The following DGLUCY variants were observed in gnomAD, a reference collection of about 807,000 sequenced individuals.
DGLUCY encodes the protein D-glutamate cyclase.
In DGLUCY, 58 loss-of-function variants were observed where a neutral mutation model predicts 58.5. The ratio of observed to expected loss-of-function variants is 0.99; its 90% CI spans 0.80 to 1.23. The LOEUF (loss-of-function observed/expected upper bound fraction) is 1.23, where lower values mean the gene tolerates loss of function less well. Ranked by LOEUF, DGLUCY falls within the 50% of genes most tolerant of loss-of-function variation. The pLI is 0.00. For synonymous variants in DGLUCY, 325 were observed against 314.1 expected (o/e 1.03, Z -0.37); for missense variants, 779 against 784.7 (o/e 0.99, Z 0.09).
chr14:91,156,945 T>A (rs1359949542), intron 1 of DGLUCY, among the ~76,000 whole-genome samples: 1 of 152,210 alleles, frequency 6.6e-6, no homozygotes, highest in Non-Finnish European at 1.5e-5. Flanking sequence ...AGTGGGAAGG[T>A]CCCTGTTATT....
At position 91,074,114 on chromosome 14, in the gene DGLUCY, T is replaced by TACACACACAC. The variant is rs1326685656; in HGVS notation, c.-82+13411_-82+13412insCACACACACA. Among the ~76,000 whole-genome samples, 400 of 64,438 alleles carry TACACACACAC rather than the reference T, an allele frequency of 6.2e-3. 1 individual carries two copies. Among genetic ancestry groups the TACACACACAC allele is most frequent in the Non-Finnish European group, 0.01 (324 of 32,070 alleles). 42.3% of individuals were successfully genotyped at this position (64,438 alleles called of 152,430 possible). ...CTACCAAAAAAAAAAAATATATATA[T>TACACACACAC]ATATACACACACACACACACACACA... On this transcript the variant is annotated intron_variant, in intron 1 of 4. Coordinates refer to the DGLUCY transcript ENST00000521334.
intron 5 of DGLUCY, among the ~76,000 whole-genome samples, chr14:91,170,703 G>A (rs1163581676): frequency 2.6e-5 from 4 of 152,098 alleles, no homozygotes; most frequent in Non-Finnish European, 5.9e-5. Flanking sequence ...GCGTCTCTGG[G>A]ACGTGCCTGC....
At chr14:91,185,747 G>A (rs1347272747) in intron 8 of DGLUCY, among the ~76,000 whole-genome samples, 1 of 151,274 alleles carries the variant, frequency 6.6e-6, no homozygotes, top group Admixed American at 6.6e-5. Flanking sequence ...TATTGCAGAT[G>A]TGGTGCACCC....
chr14:91,209,938 T>C lies in DGLUCY; in HGVS notation c.1564+5113T>C, dbSNP rs145122398. Among the ~76,000 whole-genome samples, 1,387 of 152,206 alleles carry C rather than the reference T, an allele frequency of 9.1e-3. 12 individuals are homozygous for C. The highest frequency in any genetic ancestry group is 0.013 in the Non-Finnish European group (873 of 67,992). ...GCAGACTTCAGAACAGGGAAAGTTATCAGGATAAAGAGGGGGATTACATAA... is the reference window on the plus strand; with the variant it reads ...GCAGACTTCAGAACAGGGAAAGTTACCAGGATAAAGAGGGGGATTACATAA... On this transcript the variant is annotated intron_variant, in intron 12 of 13. Coordinates refer to ENST00000256324, the MANE Select transcript of DGLUCY (RefSeq NM_001102368.3).
intron 1 of DGLUCY, among the ~76,000 whole-genome samples, chr14:91,122,399 C>T (rs2045422664): frequency 6.6e-6 from 1 of 151,952 alleles, no homozygotes; most frequent in East Asian, 1.9e-4. Flanking sequence ...TCAATCCTCC[C>T]GCCTTGGCCT....
intron 1 of DGLUCY, among the ~76,000 whole-genome samples, chr14:91,085,552 GTTTTTTTTTTGTTTT>G (rs1448771025): frequency 1.5e-5 from 2 of 134,872 alleles, no homozygotes; most frequent in African/African-American, 2.7e-5. Context: ...AAGTTCCTTT[GTTTTTTTTTTGTTTT>G]TTTTTTTTTT....
chr14:91,109,730 C>T (rs1376133017), upstream of DGLUCY, among the ~76,000 whole-genome samples: 1 of 152,198 alleles, frequency 6.6e-6, no homozygotes, highest in Non-Finnish European at 1.5e-5. Flanking sequence ...ACCAGGGCCT[C>T]ACGCTCATGA....
intron 1 of DGLUCY, among the ~76,000 whole-genome samples, chr14:91,119,450 G>A (rs1039726396): frequency 6.6e-6 from 1 of 152,132 alleles, no homozygotes; most frequent in African/African-American, 2.4e-5. Context: ...GTACCACTGT[G>A]CTCCCATACC....
At chr14:91,106,850 A>G (rs1432065033), upstream of DGLUCY, among the ~76,000 whole-genome samples, 1 of 152,234 alleles carries the variant, frequency 6.6e-6, no homozygotes, top group Non-Finnish European at 1.5e-5. Flanking sequence ...TCTGTTTAAT[A>G]AAGGAAAATC....
At chr14:91,086,324 C>G (rs933191885) in intron 1 of DGLUCY, among the ~76,000 whole-genome samples, 6 of 152,084 alleles carry the variant, frequency 3.9e-5, no homozygotes, top group African/African-American at 1.4e-4. Flanking sequence ...CATCCCCGAC[C>G]CCCTGCCTGG....
intron 5 of DGLUCY, among the ~76,000 whole-genome samples, chr14:91,170,687 C>A (rs949518263): frequency 1.3e-5 from 2 of 152,154 alleles, no homozygotes; most frequent in Non-Finnish European, 1.5e-5. Context: ...AAACACAGCA[C>A]AGCCGGCGTC....
At chr14:91,168,234 C>A (rs1023324252) in intron 4 of DGLUCY, among the ~76,000 whole-genome samples, 1 of 152,038 alleles carries the variant, frequency 6.6e-6, no homozygotes, top group African/African-American at 2.4e-5. Flanking sequence ...TCACTGCACT[C>A]CAGCCTGGGC....
At chr14:91,167,893 T>G (rs1035294220) in intron 4 of DGLUCY, among the ~76,000 whole-genome samples, 2 of 152,132 alleles carry the variant, frequency 1.3e-5, no homozygotes, top group East Asian at 3.9e-4. Context: ...TCATCCTTTC[T>G]TCCCCAACCC....
intron 1 of DGLUCY, among the ~76,000 whole-genome samples, chr14:91,085,139 T>A (rs1247894983): frequency 6.6e-6 from 1 of 151,678 alleles, no homozygotes; most frequent in Non-Finnish European, 1.5e-5. Flanking sequence ...GGAGGATTGC[T>A]TGAACCCAGG....
chr14:91,176,145 TG>T, intron 7 of DGLUCY, 89 bp downstream of exon 7: 1 of 1,459,546 alleles, frequency 6.9e-7, no homozygotes. Flanking sequence ...CGTAGTACAA[TG>T]ATTTAAAAAT....
intron 1 of DGLUCY, among the ~76,000 whole-genome samples, chr14:91,130,999 G>C (rs1298841513): frequency 6.6e-6 from 1 of 151,998 alleles, no homozygotes. Flanking sequence ...TCAGGCTGGA[G>C]TGCAGGGGCA....
intron 8 of DGLUCY, among the ~76,000 whole-genome samples, chr14:91,182,240 C>T (rs557169958): frequency 1.3e-5 from 2 of 152,304 alleles, no homozygotes; most frequent in South Asian, 4.1e-4. Flanking sequence ...CTCGGCCTCC[C>T]GAAGTGCTGG....
intron 1 of DGLUCY, among the ~76,000 whole-genome samples, chr14:91,068,532 G>A (rs148922957): frequency 8.0e-4 from 122 of 152,266 alleles, no homozygotes; most frequent in African/African-American, 2.8e-3. Flanking sequence ...GCCAGGCGTG[G>A]TGGGGCATGC....
exon 1 of DGLUCY, chr14:91,060,424 T>A: frequency 1.3e-6 from 2 of 1,489,830 alleles, no homozygotes; most frequent in Non-Finnish European, 1.8e-6. Context: ...GCTGCCACCC[T>A]CCTCCTCCAT....
Sources: gnomAD v4.1 joint callset for allele counts (sites outside exome capture counted in the v4.1 genomes callset) on GRCh38, gnomAD v4.1.1 for gene constraint, MANE v1.5 for transcripts, NCBI Gene and HGNC (gene_info 2026-07-23, HGNC 2026-07-21) for gene names.